Variants in ABI2 observed in about 807,000 individuals in gnomAD.
ABI2 encodes the protein abl interactor 2.
A neutral mutation model predicts 59.2 loss-of-function variants in ABI2; 25 were observed. The observed-to-expected ratio is 0.42, with a 90% CI of 0.31 to 0.59. The LOEUF is 0.59. ABI2 is among the 20% of genes least tolerant of loss of function. The pLI is 0.14. For synonymous variants in ABI2, 213 were observed against 235.5 expected (o/e 0.90, Z 0.87); for missense variants, 545 against 681.8 (o/e 0.80, Z 2.23).
In ABI2 at chr2:203,431,522, A is replaced by G. The variant is rs538358191; in HGVS notation, c.*4170A>G. ...CTACACTCAGTATAAACACTTTCCC[A>G]TAAGGTGTGTGCAGTAAAAATGTTA... On this transcript the variant is annotated 3_prime_UTR_variant, in exon 12 of 12. Transcript: ENST00000261018. The G allele has an allele frequency of 3.9e-5, 6 of 152,676 alleles. No homozygotes were observed. Among genetic ancestry groups the G allele is most frequent in the African/African-American group, 9.6e-5 (4 of 41,564 alleles). The allele number at this position is 152,676 out of a possible 1,614,324, so 9.5% of individuals were successfully genotyped here.
chr2:203,420,847 G>C (rs1460194410), intron 11 of ABI2, among the ~76,000 whole-genome samples: 1 of 151,260 alleles, frequency 6.6e-6, no homozygotes, highest in East Asian at 2.0e-4. Flanking sequence ...CTTGAATGAT[G>C]AATAGGAGTT....
At position 203,349,275 on chromosome 2, in the gene ABI2, T is replaced by G. The variant is rs995740251; in HGVS notation, c.118-17602T>G. On this transcript the variant is annotated intron_variant, in intron 1 of 11. Transcript: ENST00000261018. ...ATAACTCTTGAACACTTTAGTGTGT[T>G]TTTTCCACAAACAAGAATGTTTTCC... Among the ~76,000 whole-genome samples, 6 of 152,106 alleles carry G rather than the reference T, an allele frequency of 3.9e-5. No homozygotes were observed. The East Asian group carries it at 9.7e-4, about 24-fold the overall frequency.
chr2:203,382,124 G>A, intron 3 of ABI2, 65 bp from the exon 4 acceptor site: 1 of 1,391,186 alleles, frequency 7.2e-7, no homozygotes, highest in Non-Finnish European at 9.6e-7. Context: ...ACATCCTGAA[G>A]TTTCAACTAA....
At chr2:203,410,429 G>A (rs1253387486) in intron 9 of ABI2, among the ~76,000 whole-genome samples, 2 of 151,390 alleles carry the variant, frequency 1.3e-5, no homozygotes, top group Non-Finnish European at 2.9e-5. Context: ...TTTTTTTGCC[G>A]CTTTAGTTTC....
intron 2 of ABI2, among the ~76,000 whole-genome samples, chr2:203,377,966 G>C (rs2095822585): frequency 6.6e-6 from 1 of 152,110 alleles, no homozygotes; most frequent in African/African-American, 2.4e-5. Context: ...TAAAAATTAA[G>C]TGAATTCCAA....
At chr2:203,364,843 C>A (rs912502436) in intron 1 of ABI2, among the ~76,000 whole-genome samples, 2 of 151,490 alleles carry the variant, frequency 1.3e-5, no homozygotes, top group African/African-American at 2.4e-5. Flanking sequence ...AAGTCATCCT[C>A]CCACCTCAAC....
chr2:203,399,606 C>T (rs1385836636), intron 8 of ABI2, among the ~76,000 whole-genome samples: 3 of 152,190 alleles, frequency 2.0e-5, no homozygotes, highest in South Asian at 4.1e-4. Context: ...ATCTCCGCCT[C>T]GCGGGTTCAA....
chr2:203,384,447 C>CCACCAGT, intron 4 of ABI2, among the ~76,000 whole-genome samples: 1 of 151,930 alleles, frequency 6.6e-6, no homozygotes, highest in Admixed American at 6.6e-5. Context: ...GTTGGTACTA[C>CCACCAGT]ATGTGTGCAC....
At chr2:203,346,923 T>C (rs777024920) in intron 1 of ABI2, among the ~76,000 whole-genome samples, 12 of 152,234 alleles carry the variant, frequency 7.9e-5, no homozygotes, top group Non-Finnish European at 1.6e-4. Flanking sequence ...CGACTTCATG[T>C]GCTATAGTGC....
At chr2:203,348,745 A>G (rs964778156) in intron 1 of ABI2, among the ~76,000 whole-genome samples, 7 of 152,182 alleles carry the variant, frequency 4.6e-5, no homozygotes, top group African/African-American at 1.7e-4. Context: ...TCTTCCTCCC[A>G]TCACGTATGT....
At chr2:203,413,102 A>G (rs978530992) in intron 10 of ABI2, among the ~76,000 whole-genome samples, 5 of 152,194 alleles carry the variant, frequency 3.3e-5, no homozygotes, top group Admixed American at 6.5e-5. Context: ...CTGCCAATCA[A>G]TTGCTACTGC....
chr2:203,340,449 C>T (rs2079174352), intron 1 of ABI2, among the ~76,000 whole-genome samples: 1 of 151,950 alleles, frequency 6.6e-6, no homozygotes, highest in South Asian at 2.1e-4. Flanking sequence ...TCACTGCAGC[C>T]TCACCTCCCC....
Position 203,388,072 on chromosome 2 carries a change from ATTG to A in ABI2, c.481-2971_481-2969del, listed in dbSNP as rs2096601427. Among the ~76,000 whole-genome samples the A allele has an allele frequency of 3.3e-5, 5 of 152,122 alleles. No individual in the cohort carries two copies. The South Asian group carries it at 8.3e-4, about 25-fold the overall frequency. ...AATATAGATTTTACCTATTATAAAA[ATTG>A]TTTTGTTTGGCATTTATTTCTGTTC... On this transcript the variant is annotated intron_variant, in intron 4 of 11. Coordinates refer to ENST00000261018, the MANE Select transcript of ABI2 (RefSeq NM_001375670.1).
At chr2:203,416,556 A>G (rs2097903543) in intron 10 of ABI2, among the ~76,000 whole-genome samples, 1 of 152,182 alleles carries the variant, frequency 6.6e-6, no homozygotes, top group Non-Finnish European at 1.5e-5. Flanking sequence ...TCGGCCTCCC[A>G]AAGTGCTGGG....
chr2:203,356,408 G>C (rs1465722320), intron 1 of ABI2, among the ~76,000 whole-genome samples: 1 of 151,900 alleles, frequency 6.6e-6, no homozygotes, highest in Non-Finnish European at 1.5e-5. Flanking sequence ...TCGCTCTGTT[G>C]CCCAGGCTGG....
chr2:203,338,983 A>AATAT (rs1212962939), intron 1 of ABI2, among the ~76,000 whole-genome samples: 10 of 12,326 alleles, frequency 8.1e-4, no homozygotes, highest in African/African-American at 2.1e-3. Context: ...TATATATATA[A>AATAT]ATATATATAT....
chr2:203,386,908 G>A (rs2096547478), intron 4 of ABI2, among the ~76,000 whole-genome samples: 1 of 152,182 alleles, frequency 6.6e-6, no homozygotes, highest in African/African-American at 2.4e-5. Context: ...CCAGAGTGCT[G>A]GGATTACAGG....
At chr2:203,398,030 C>T (rs535086379) in intron 8 of ABI2, among the ~76,000 whole-genome samples, 12 of 152,330 alleles carry the variant, frequency 7.9e-5, no homozygotes, top group African/African-American at 2.9e-4. Context: ...GCATATCAAT[C>T]ACCGTAGTGT....
intron 1 of ABI2, among the ~76,000 whole-genome samples, chr2:203,354,501 A>G (rs1259595141): frequency 2.0e-5 from 3 of 152,214 alleles, no homozygotes; most frequent in Admixed American, 6.5e-5. Context: ...TAAACTACCA[A>G]TTGTCAAGAC....
Sources: allele counts gnomAD v4.1 joint callset (sites outside exome capture counted in the v4.1 genomes callset), GRCh38; gene constraint gnomAD v4.1.1; transcripts MANE v1.5; gene names NCBI Gene and HGNC (gene_info 2026-07-23, HGNC 2026-07-21).